INSR: variants seen among roughly 807,000 people sequenced by gnomAD.
INSR encodes the protein IR.
In INSR, 67 loss-of-function variants were observed where a neutral mutation model predicts 142.6. The ratio of observed to expected loss-of-function variants is 0.47; its 90% CI spans 0.39 to 0.58. The LOEUF (loss-of-function observed/expected upper bound fraction) is 0.58, where lower values mean the gene tolerates loss of function less well. INSR is among the 20% of genes least tolerant of loss of function. INSR has a pLI of 0.00. For synonymous variants in INSR, 756 were observed against 743.1 expected (o/e 1.02, Z -0.28); for missense variants, 1,248 against 1,833.2 (o/e 0.68, Z 5.83).
intron 2 of INSR, among the ~76,000 whole-genome samples, chr19:7,249,100 CTG>C (rs901187378): frequency 6.6e-6 from 1 of 152,084 alleles, no homozygotes; most frequent in Non-Finnish European, 1.5e-5. Context: ...AACTAAAAGT[CTG>C]TGAAGAATTA....
chr19:7,183,819 G>A lies in INSR; in HGVS notation c.974+497C>T, dbSNP rs141110226. Among the ~76,000 whole-genome samples, 696 of 152,174 alleles carry A rather than the reference G, an allele frequency of 4.6e-3. 5 individuals are homozygous for A. Among genetic ancestry groups the A allele is most frequent in the Middle Eastern group, 0.031 (9 of 294 alleles). Reference sequence around the variant, plus strand: ...CACACCTGCAATCACAGCACTTTGAGAGGCCAAGGCAGGTGGACCACCTGA... The same window carrying A: ...CACACCTGCAATCACAGCACTTTGAAAGGCCAAGGCAGGTGGACCACCTGA... On this transcript the variant is annotated intron_variant, in intron 3 of 21. Transcript: ENST00000302850.
At chr19:7,162,848 T>TA (rs1374430124) in intron 9 of INSR, among the ~76,000 whole-genome samples, 184 bp downstream of exon 9, 1 of 151,714 alleles carries the variant, frequency 6.6e-6, no homozygotes, top group Non-Finnish European at 1.5e-5. Flanking sequence ...AAAAATAAAA[T>TA]AAATAAATAA....
At chr19:7,153,366 C>CA (rs879798799) in intron 9 of INSR, among the ~76,000 whole-genome samples, 2 of 1,982 alleles carry the variant, frequency 1.0e-3, no homozygotes, top group Non-Finnish European at 4.1e-3. Flanking sequence ...CACCACACAC[C>CA]CCACACACAC....
intron 2 of INSR, among the ~76,000 whole-genome samples, chr19:7,223,173 ACT>A (rs1349697177): frequency 6.6e-6 from 1 of 152,130 alleles, no homozygotes; most frequent in Admixed American, 6.6e-5. Context: ...ACAGAGTGAG[ACT>A]CTGTCTCAAA....
chr19:7,248,754 A>ATTTTTTTT lies in INSR; in HGVS notation c.652+18583_652+18590dup, dbSNP rs552940485. 5.4e-3 allele frequency among the ~76,000 whole-genome samples: 523 copies of ATTTTTTTT among 97,222 alleles called. 29 individuals are homozygous for ATTTTTTTT. Among genetic ancestry groups the ATTTTTTTT allele is most frequent in the East Asian group, 0.034 (96 of 2,864 alleles). The allele number at this position is 97,222 out of a possible 152,430, so 63.8% of individuals were successfully genotyped here. On this transcript the variant is annotated intron_variant, in intron 2 of 21. Transcript: ENST00000302850. ...CCTGGACTATTCCCGGTTGGCCAGA[A>ATTTTTTTT]TTTTTTTTTTTTTTTTTTTTTGAGA...
At chr19:7,198,295 G>T (rs1207282678) in intron 2 of INSR, among the ~76,000 whole-genome samples, 1 of 151,704 alleles carries the variant, frequency 6.6e-6, no homozygotes, top group Non-Finnish European at 1.5e-5. Context: ...CCGCTCCCCA[G>T]ACTGGCGCTC....
intron 13 of INSR, among the ~76,000 whole-genome samples, chr19:7,132,834 G>A (rs146404961): frequency 8.6e-5 from 13 of 152,002 alleles, no homozygotes; most frequent in Admixed American, 7.9e-4. Flanking sequence ...CAAGTGATCC[G>A]CCCACCTCGG....
chr19:7,129,912 AT>A (rs914684335), intron 14 of INSR, among the ~76,000 whole-genome samples: 1 of 151,784 alleles, frequency 6.6e-6, no homozygotes, highest in Non-Finnish European at 1.5e-5. Context: ...TAATTTTTGT[AT>A]TTTTTTGTGG....
chr19:7,247,440 C>A (rs1274708699), intron 2 of INSR, among the ~76,000 whole-genome samples: 2 of 150,998 alleles, frequency 1.3e-5, no homozygotes, highest in Non-Finnish European at 2.9e-5. Context: ...CCTATAATAG[C>A]CTCTTTGTTG....
intron 1 of INSR, among the ~76,000 whole-genome samples, chr19:7,292,134 A>T (rs1045546357): frequency 6.8e-6 from 1 of 146,956 alleles, no homozygotes. Context: ...CTCTTTGGCC[A>T]GGCTGGAGTG....
chr19:7,209,557 A>G (rs1457396239), intron 2 of INSR, among the ~76,000 whole-genome samples: 1 of 148,356 alleles, frequency 6.7e-6, no homozygotes, highest in African/African-American at 2.5e-5. Context: ...AACTGGGATT[A>G]TAGGCACACA....
At chr19:7,178,153 G>A (rs947962042) in intron 3 of INSR, among the ~76,000 whole-genome samples, 4 of 147,388 alleles carry the variant, frequency 2.7e-5, no homozygotes, top group Admixed American at 1.4e-4. Flanking sequence ...CTTCATCCCG[G>A]TTCTTGGCAC....
At chr19:7,292,470 T>TTG (rs1555693253) in intron 1 of INSR, among the ~76,000 whole-genome samples, 1 of 100,782 alleles carries the variant, frequency 9.9e-6, no homozygotes, top group Non-Finnish European at 2.1e-5. Flanking sequence ...GGGGCGGGGC[T>TTG]GGGGGGGGGT....
chr19:7,278,686 C>A (rs1332935565), intron 1 of INSR, among the ~76,000 whole-genome samples: 1 of 149,760 alleles, frequency 6.7e-6, no homozygotes, highest in South Asian at 2.1e-4. Context: ...TGGTGAAACC[C>A]CATGTCTACT....
Position 7,132,152 on chromosome 19 carries a change from A to T in INSR, c.2842+6T>A, listed in dbSNP as rs767138526. ...CCAGTCAGCTGAGGCTGCCATGGAG[A>T]CTTACAATAGTCTGTCACGTAGAAA... On this transcript the variant is annotated splice_donor_region_variant and intron_variant, in intron 14 of 21. Transcript: ENST00000302850. 7.4e-6 allele frequency: 12 copies of T among 1,613,972 alleles called. No homozygotes were observed. Among genetic ancestry groups the T allele is most frequent in the Admixed American group, 3.3e-5 (2 of 60,002 alleles).
chr19:7,193,950 C>T (rs1310133248), intron 2 of INSR, among the ~76,000 whole-genome samples: 1 of 100,734 alleles, frequency 9.9e-6, no homozygotes. Flanking sequence ...GATCCGCTCT[C>T]CCCGAGCTCC....
chr19:7,128,952 C>T lies in INSR; in HGVS notation c.2845G>A (p.Asp949Asn), dbSNP rs1972712397. ...ATTTTTGCAATATTTGACGGGACGT[C>T]TACTGAAATAGAATAAGAAAATATA... is the stretch of plus-strand genomic sequence containing the variant. ...PTYFYVTDYL[D>N]VPSNIAKIII... The change falls in exon 15 of 22, where the codon GAC becomes AAC. Residue 949 changes from aspartate (D) to asparagine (N), a missense_variant and splice_region_variant. By Grantham distance (23) the Asp-to-Asn change is conservative. Transcript: ENST00000302850. 1.2e-6 allele frequency: 2 copies of T among 1,603,384 alleles called. No homozygotes were observed. Among genetic ancestry groups the T allele is most frequent in the Admixed American group, 1.7e-5 (1 of 59,988 alleles).
At chr19:7,186,712 T>G (rs1974442009) in intron 2 of INSR, among the ~76,000 whole-genome samples, 1 of 152,090 alleles carries the variant, frequency 6.6e-6, no homozygotes. Flanking sequence ...TTTTTTTTAT[T>G]TTTATTTTTT....
chr19:7,152,671 C>A, intron 10 of INSR, 55 bp downstream of exon 10: 1 of 1,440,812 alleles, frequency 6.9e-7, no homozygotes, highest in Non-Finnish European at 9.8e-7. Flanking sequence ...AATGACCTTC[C>A]ACCAACACCA....
Sources: allele counts gnomAD v4.1 joint callset (sites outside exome capture counted in the v4.1 genomes callset), GRCh38; gene constraint gnomAD v4.1.1; transcripts MANE v1.5; gene names NCBI Gene and HGNC (gene_info 2026-07-23, HGNC 2026-07-21).